PTPN4: variants seen among roughly 807,000 people sequenced by gnomAD.
PTPN4 encodes the protein tyrosine-protein phosphatase non-receptor type 4.
A neutral mutation model predicts 135.5 loss-of-function variants in PTPN4; 49 were observed. That is an observed-to-expected ratio of 0.36 (90% CI 0.29 to 0.46). The LOEUF is 0.46. PTPN4 is among the 20% of genes least tolerant of loss of function. The pLI, the probability that PTPN4 is intolerant of heterozygous loss-of-function variation, is 1.00. For synonymous variants in PTPN4, 333 were observed against 369.9 expected (o/e 0.90, Z 1.14); for missense variants, 860 against 1,101.0 (o/e 0.78, Z 3.10).
chr2:119,938,129 T>C (rs1679011475), intron 15 of PTPN4, among the ~76,000 whole-genome samples: 2 of 148,430 alleles, frequency 1.3e-5, no homozygotes, highest in Admixed American at 1.3e-4. Context: ...GGATAATTTT[T>C]TTTTTTTTTT....
rs1333049249 is a variant in PTPN4, at chr2:119,984,338, GA to G, written c.*7272del. 6.6e-6 allele frequency among the ~76,000 whole-genome samples: 1 copy of G among 151,950 alleles called. No homozygotes were observed. Among genetic ancestry groups the G allele is most frequent in the Non-Finnish European group, 1.5e-5 (1 of 67,974 alleles). ...AGGTGCTATTTGTAAATATGAAGGG[GA>G]AAAGTCACTTAGTTAAAAGTCTAGC... On this transcript the variant is annotated 3_prime_UTR_variant, in exon 27 of 27. Coordinates refer to ENST00000263708, the MANE Select transcript of PTPN4 (RefSeq NM_002830.4).
chr2:119,825,570 A>C (rs1677134594), intron 2 of PTPN4, among the ~76,000 whole-genome samples: 1 of 145,566 alleles, frequency 6.9e-6, no homozygotes. Context: ...ATCTCTGCTC[A>C]CTACAACCTT....
At chr2:119,917,637 C>T (rs1411569715) in intron 11 of PTPN4, among the ~76,000 whole-genome samples, 1 of 151,660 alleles carries the variant, frequency 6.6e-6, no homozygotes, top group African/African-American at 2.4e-5. Flanking sequence ...GGCTAAGGCA[C>T]AAGAATCTCT....
intron 9 of PTPN4, among the ~76,000 whole-genome samples, chr2:119,893,855 A>G (rs1229873292): frequency 3.3e-5 from 5 of 152,134 alleles, no homozygotes; most frequent in Non-Finnish European, 7.4e-5. Flanking sequence ...TGACTTTTCA[A>G]GAGCAGTTTT....
At chr2:119,885,171 T>C (rs979869661) in intron 8 of PTPN4, among the ~76,000 whole-genome samples, 3 of 152,226 alleles carry the variant, frequency 2.0e-5, no homozygotes, top group Non-Finnish European at 2.9e-5. Context: ...CATTATTGTG[T>C]TACTTATATT....
At chr2:119,904,086 T>C (rs886650269) in intron 10 of PTPN4, among the ~76,000 whole-genome samples, 1 of 152,072 alleles carries the variant, frequency 6.6e-6, no homozygotes, top group African/African-American at 2.4e-5. Flanking sequence ...TATCAACGTA[T>C]AAGGACAGAA....
At chr2:119,965,447 A>C (rs775832214) in intron 24 of PTPN4, 50 bp from the exon 25 acceptor site, 1 of 1,520,256 alleles carries the variant, frequency 6.6e-7, no homozygotes, top group South Asian at 1.2e-5. Flanking sequence ...TTGTAGGGAC[A>C]ATTTCAATAA....
At chr2:119,839,097 C>T (rs181358625) in intron 2 of PTPN4, among the ~76,000 whole-genome samples, 2 of 152,280 alleles carry the variant, frequency 1.3e-5, no homozygotes, top group East Asian at 3.9e-4. Flanking sequence ...GTTTTTCTAG[C>T]ACTCTTGAGT....
At chr2:119,863,814 T>C (rs142841998) in intron 3 of PTPN4, among the ~76,000 whole-genome samples, 85 of 152,250 alleles carry the variant, frequency 5.6e-4, no homozygotes, top group African/African-American at 2.0e-3. Context: ...TCCTCATACT[T>C]TGATGCCTTC....
intron 5 of PTPN4, among the ~76,000 whole-genome samples, chr2:119,878,965 C>T (rs1184438614): frequency 3.3e-5 from 5 of 151,306 alleles, no homozygotes; most frequent in South Asian, 2.1e-4. Flanking sequence ...TGGTGGCAGG[C>T]GCCTGTAGTC....
intron 2 of PTPN4, among the ~76,000 whole-genome samples, chr2:119,822,733 C>A (rs915757286): frequency 7.2e-5 from 11 of 151,900 alleles, no homozygotes; most frequent in African/African-American, 2.7e-4. Flanking sequence ...TAGTACATTC[C>A]TTCTTTTTTT....
At chr2:119,956,991 C>A in intron 21 of PTPN4, 25 bp from the exon 22 acceptor site, 1 of 1,605,806 alleles carries the variant, frequency 6.2e-7, no homozygotes, top group Admixed American at 1.7e-5. Context: ...TTTACTAAAA[C>A]ATTATTTCTT....
rs1266918190 is a variant in PTPN4, at chr2:119,801,961, C to T, written c.-17-7876C>T. Among the ~76,000 whole-genome samples the T allele has an allele frequency of 1.5e-5, 2 of 130,592 alleles. 1 individual carries two copies. The highest frequency in any genetic ancestry group is 3.1e-5 in the Non-Finnish European group (2 of 64,746). 85.7% of individuals were successfully genotyped at this position (130,592 alleles called of 152,430 possible). On this transcript the variant is annotated intron_variant, in intron 1 of 26. Transcript: ENST00000263708. ...TCTCACCCAGGCTGGAGTGCAGTGG[C>T]GCAATCTTGGCTCACTGCAACCTCC...
In PTPN4 at chr2:119,760,065, G is replaced by C. The variant is rs1478707962; in HGVS notation, c.-337G>C. On this transcript the variant is annotated 5_prime_UTR_variant, in exon 1 of 27. Transcript: ENST00000263708. ...AGGAAAGAGACTTGGCTTTGGCCGC[G>C]GGGTCGGAGGATTGGGGCCAGGCCC... 2.6e-6 allele frequency: 1 copy of C among 383,796 alleles called. No individual in the cohort carries two copies. Among genetic ancestry groups the C allele is most frequent in the African/African-American group, 2.1e-5 (1 of 47,980 alleles). 23.8% of individuals were successfully genotyped at this position (383,796 alleles called of 1,614,324 possible).
At chr2:119,943,578 TTC>T (rs1679089547) in intron 15 of PTPN4, among the ~76,000 whole-genome samples, 1 of 123,906 alleles carries the variant, frequency 8.1e-6, no homozygotes, top group Non-Finnish European at 1.7e-5. Flanking sequence ...TTTCATTTTT[TTC>T]TTTTTTTTTT....
chr2:119,787,257 G>A (rs1386701671), intron 1 of PTPN4, among the ~76,000 whole-genome samples: 1 of 152,188 alleles, frequency 6.6e-6, no homozygotes, highest in East Asian at 1.9e-4. Context: ...GTTGGGGAAG[G>A]ACATTGAGGG....
At chr2:119,847,120 T>C (rs188009503) in intron 2 of PTPN4, among the ~76,000 whole-genome samples, 1 of 149,600 alleles carries the variant, frequency 6.7e-6, no homozygotes, top group Admixed American at 6.7e-5. Flanking sequence ...ATCATTTCCA[T>C]AGGCCAAAAC....
chr2:119,983,395 A>C lies in PTPN4; in HGVS notation c.*6325A>C, dbSNP rs1303665635. The C allele has an allele frequency of 1.3e-5, 2 of 152,112 alleles. No homozygotes were observed. Among genetic ancestry groups the C allele is most frequent in the Non-Finnish European group, 2.9e-5 (2 of 68,012 alleles). 9.4% of individuals were successfully genotyped at this position (152,112 alleles called of 1,614,324 possible). Reference sequence around the variant, plus strand: ...AGCTCATTTTAACATATATTCAAAGAAGCTTTTTAGTTTCTACTCCTGAAT... The same window carrying C: ...AGCTCATTTTAACATATATTCAAAGCAGCTTTTTAGTTTCTACTCCTGAAT... On this transcript the variant is annotated 3_prime_UTR_variant, in exon 27 of 27. Transcript: ENST00000263708.
In PTPN4 at chr2:119,809,816, A is replaced by ATT. The variant is rs373238618; in HGVS notation, c.-17-9_-17-8dup. On this transcript the variant is annotated intron_variant, in intron 1 of 26. Coordinates refer to ENST00000263708, the MANE Select transcript of PTPN4 (RefSeq NM_002830.4). ...ATTTTACGAACCTTTTATTTAGTGA[A>ATT]TTTTTTTTTTTTTAACTTAGACTTT... 765 of 1,164,926 alleles carry ATT rather than the reference A, an allele frequency of 6.6e-4. 4 individuals are homozygous for ATT. In the African/African-American group the frequency reaches 9.3e-3, roughly 14 times the overall value. The allele number at this position is 1,164,926 out of a possible 1,614,324, so 72.2% of individuals were successfully genotyped here. A position where few individuals can be genotyped will look rare whatever the true frequency, so the allele number is the denominator to read the frequency against.
Sources: allele counts gnomAD v4.1 joint callset (sites outside exome capture counted in the v4.1 genomes callset), GRCh38; gene constraint gnomAD v4.1.1; transcripts MANE v1.5; gene names NCBI Gene and HGNC (gene_info 2026-07-23, HGNC 2026-07-21).